LPA: variants seen among roughly 807,000 people sequenced by gnomAD.
The protein encoded by LPA is lipoprotein(a).
LPA carries 199 observed loss-of-function variants against 197.9 expected under a neutral mutation model. That is an observed-to-expected ratio of 1.01 (90% CI 0.90 to 1.13). The LOEUF is 1.13. LPA is among the 50% of genes most tolerant of loss of function. LPA has a pLI of 0.00. For missense variants in LPA, 1,853 were observed against 1,785.8 expected (o/e 1.04, Z -0.68); for synonymous variants, 715 against 639.5 (o/e 1.12, Z -1.78).
At chr6:160,596,096 G>A (rs1037335110) in intron 20 of LPA, among the ~76,000 whole-genome samples, 3 of 152,168 alleles carry the variant, frequency 2.0e-5, no homozygotes, top group African/African-American at 7.2e-5. Context: ...TGGCCCACAT[G>A]ATTAACATTC....
chr6:160,610,591 T>C (rs1779476862), intron 16 of LPA, among the ~76,000 whole-genome samples: 2 of 152,168 alleles, frequency 1.3e-5, no homozygotes. Flanking sequence ...GCACATGCAG[T>C]GTCATGTGAG....
intron 1 of LPA, among the ~76,000 whole-genome samples, chr6:160,657,278 C>T (rs543625162): frequency 6.6e-6 from 1 of 152,158 alleles, no homozygotes; most frequent in Non-Finnish European, 1.5e-5. Context: ...CTCCACCATC[C>T]TAATCTCCCT....
chr6:160,587,768 T>A (rs988042737), intron 24 of LPA, among the ~76,000 whole-genome samples: 84 of 118,038 alleles, frequency 7.1e-4, no homozygotes, highest in African/African-American at 3.1e-3. Context: ...TGTGTGTGTG[T>A]GTGTGTGTGT....
In LPA at chr6:160,585,036, A is replaced by G. The variant is rs1778880436; in HGVS notation, c.4289+10T>C. ...TATTGTTCCTTTTATGGCTAACATG[A>G]TAGACATACGCATTTGGATAGTATA... On this transcript the variant is annotated intron_variant, in intron 26 of 38. Transcript: ENST00000316300. The G allele has an allele frequency of 6.2e-7, 1 of 1,613,428 alleles. No individual in the cohort carries two copies. Among genetic ancestry groups the G allele is most frequent in the Non-Finnish European group, 8.5e-7 (1 of 1,179,488 alleles).
chr6:160,581,936 A>G (rs1438629531), intron 26 of LPA, among the ~76,000 whole-genome samples: 1 of 152,102 alleles, frequency 6.6e-6, no homozygotes, highest in Admixed American at 6.6e-5. Flanking sequence ...TTATCAATAA[A>G]GTTTTTTTGT....
Position 160,542,545 on chromosome 6 carries a change from A to C in LPA, c.5519+143T>G, listed in dbSNP as rs531419047. ...AACCTATAATAATATAACTTTTTTT[A>C]ATTTTTCTATATTTTTTCCTCCTTC... On this transcript the variant is annotated intron_variant, in intron 34 of 38. Transcript: ENST00000316300. 8.6e-5 allele frequency: 110 copies of C among 1,285,182 alleles called. 1 individual carries two copies. In the African/African-American group the frequency reaches 1.6e-3, roughly 18 times the overall value. 79.6% of individuals were successfully genotyped at this position (1,285,182 alleles called of 1,614,324 possible).
intron 2 of LPA, among the ~76,000 whole-genome samples, chr6:160,650,103 G>C (rs1352040273): frequency 6.6e-6 from 1 of 152,006 alleles, no homozygotes; most frequent in African/African-American, 2.4e-5. Context: ...TTCCATTATT[G>C]TGGCCTCACC....
At chr6:160,573,082 G>C (rs1242259835) in intron 28 of LPA, among the ~76,000 whole-genome samples, 2 of 151,948 alleles carry the variant, frequency 1.3e-5, no homozygotes, top group South Asian at 4.2e-4. Context: ...TCTTATATTT[G>C]GTCATTTAAC....
intron 1 of LPA, among the ~76,000 whole-genome samples, chr6:160,663,320 G>T (rs183155730): frequency 6.6e-6 from 1 of 152,294 alleles, no homozygotes; most frequent in African/African-American, 2.4e-5. Flanking sequence ...AAGAGCCCTA[G>T]ATTTTTTCTT....
chr6:160,654,082 T>A (rs865848644), intron 1 of LPA, among the ~76,000 whole-genome samples: 51 of 29,952 alleles, frequency 1.7e-3, no homozygotes, highest in African/African-American at 2.5e-3. Context: ...TAATATATAT[T>A]ATATATATTA....
intron 32 of LPA, among the ~76,000 whole-genome samples, chr6:160,547,578 A>G (rs943917253): frequency 2.0e-5 from 3 of 152,168 alleles, no homozygotes; most frequent in Non-Finnish European, 2.9e-5. Flanking sequence ...ACAGCACCCA[A>G]CAATGGAAAC....
In LPA at chr6:160,557,498, C is replaced by G; in HGVS notation, c.4705G>C (p.Val1569Leu). 1 of 1,614,108 alleles carries G rather than the reference C, an allele frequency of 6.2e-7. No homozygotes were observed. Among genetic ancestry groups the G allele is most frequent in the Non-Finnish European group, 8.5e-7 (1 of 1,180,012 alleles). The change falls in exon 29 of 39, where the codon GTG becomes CTG. Residue 1569 changes from valine (V) to leucine (L), a missense_variant. Coordinates refer to ENST00000316300, the MANE Select transcript of LPA (RefSeq NM_005577.4). ...GTCAGATTGCAGTACTCCCACCTCACACACGGATCGGTTGTGTAACACCAG... is the reference window on the plus strand; with the variant it reads ...GTCAGATTGCAGTACTCCCACCTCAGACACGGATCGGTTGTGTAACACCAG... ...QPWCYTTDPCVRWEYCNLTQC... is the reference protein window; with the variant it reads ...QPWCYTTDPCLRWEYCNLTQC...
In LPA at chr6:160,604,143, C is replaced by T. The variant is rs557836086; in HGVS notation, c.2945+903G>A. Among the ~76,000 whole-genome samples the T allele has an allele frequency of 2.6e-5, 4 of 152,216 alleles. No homozygotes were observed. In the East Asian group the frequency reaches 7.8e-4, roughly 29 times the overall value. On this transcript the variant is annotated intron_variant, in intron 18 of 38. Coordinates refer to ENST00000316300, the MANE Select transcript of LPA (RefSeq NM_005577.4). ...CTGGAGCTCCTTTCATCCACAAATC[C>T]ATTCTCATTCTCAGCAGGCCTATAA...
intron 30 of LPA, among the ~76,000 whole-genome samples, chr6:160,551,735 C>T (rs1279910052): frequency 6.6e-6 from 1 of 152,042 alleles, no homozygotes; most frequent in Non-Finnish European, 1.5e-5. Context: ...TCAAGTTCTG[C>T]TTTTGTTTTG....
At chr6:160,539,818 T>C (rs763000785) in intron 36 of LPA, among the ~76,000 whole-genome samples, 4 of 134,538 alleles carry the variant, frequency 3.0e-5, no homozygotes, top group Non-Finnish European at 4.7e-5. Flanking sequence ...TAACAGGGTA[T>C]CTCTTTTTCC....
At chr6:160,559,095 T>C (rs1778319962) in intron 28 of LPA, among the ~76,000 whole-genome samples, 1 of 152,234 alleles carries the variant, frequency 6.6e-6, no homozygotes, top group Admixed American at 6.5e-5. Flanking sequence ...GATCAACACC[T>C]ATACCTGTGG....
intron 28 of LPA, among the ~76,000 whole-genome samples, chr6:160,561,574 G>GA (rs768485396): frequency 2.6e-5 from 4 of 152,186 alleles, no homozygotes; most frequent in Non-Finnish European, 5.9e-5. Flanking sequence ...TATTCCATAT[G>GA]AAATTGAAAG....
chr6:160,533,899 G>A (rs1180349539), intron 37 of LPA, among the ~76,000 whole-genome samples: 1 of 152,220 alleles, frequency 6.6e-6, no homozygotes, highest in Non-Finnish European at 1.5e-5. Context: ...CAGAGGAAAT[G>A]CTGTTTTTCC....
chr6:160,577,321 A>G (rs781094866), intron 27 of LPA, 26 bp from the exon 28 acceptor site: 1 of 1,609,550 alleles, frequency 6.2e-7, no homozygotes, highest in East Asian at 2.2e-5. Context: ...AATAAATCAT[A>G]CTCAGTAATT....
Sources: gnomAD v4.1 joint callset for allele counts (sites outside exome capture counted in the v4.1 genomes callset) on GRCh38, gnomAD v4.1.1 for gene constraint, MANE v1.5 for transcripts, NCBI Gene and HGNC (gene_info 2026-07-23, HGNC 2026-07-21) for gene names.